Variants in DGKI observed in about 807,000 individuals in gnomAD.
DGKI encodes the protein diacylglycerol kinase iota.
Under a neutral mutation model 147.5 loss-of-function variants are expected in DGKI, and 55 were observed. The observed-to-expected ratio is 0.37, with a 90% CI of 0.30 to 0.47. The LOEUF (loss-of-function observed/expected upper bound fraction) is 0.47. Among genes scored for constraint, DGKI ranks in the 20% least tolerant of loss-of-function variants. The probability of loss-of-function intolerance (pLI) is 1.00; values close to 1 mark genes in which losing one functional copy is unlikely to be tolerated. For synonymous variants in DGKI, 469 were observed against 477.1 expected (o/e 0.98, Z 0.22); for missense variants, 1,007 against 1,323.8 (o/e 0.76, Z 3.71).
chr7:137,846,401 GT>G lies in DGKI; in HGVS notation c.401+60del, dbSNP rs71815938. ...ACTCCGCGGAAGCGCCCCTTGCTGG[GT>G]AGAAGAGTGGGTCTCCCGCCGCGGC... On this transcript the variant is annotated intron_variant, in intron 1 of 32. Coordinates refer to ENST00000614521, the MANE Select transcript of DGKI (RefSeq NM_001321708.2). The surrounding 1 kb of genome is among the most constrained non-coding windows in gnomAD (Gnocchi z 4.0). 1,332,614 of 1,332,676 alleles carry G rather than the reference GT, an allele frequency of 1. 666,277 individuals carry two copies. The highest frequency in any genetic ancestry group is 1 in the Middle Eastern group (5,188 of 5,188). 82.6% of individuals were successfully genotyped at this position (1,332,676 alleles called of 1,614,324 possible).
chr7:137,706,376 C>T (rs1280110955), intron 1 of DGKI, among the ~76,000 whole-genome samples: 1 of 151,502 alleles, frequency 6.6e-6, no homozygotes, highest in Non-Finnish European at 1.5e-5. Context: ...TGAAGTTTGG[C>T]CTTTAGTTCC....
At chr7:137,821,340 C>T (rs1214417233) in intron 1 of DGKI, among the ~76,000 whole-genome samples, 1 of 151,658 alleles carries the variant, frequency 6.6e-6, no homozygotes, top group Non-Finnish European at 1.5e-5. Context: ...GGGGGTGCCT[C>T]CTCTACTTGG....
intron 8 of DGKI, 89 bp from the exon 9 acceptor site, chr7:137,609,698 C>T: frequency 1.2e-6 from 1 of 863,406 alleles, no homozygotes; most frequent in East Asian, 2.5e-5. Flanking sequence ...GACGGCAGCG[C>T]ATGCTGTTCC....
chr7:137,634,594 T>C (rs998982037), intron 6 of DGKI, among the ~76,000 whole-genome samples: 1 of 152,168 alleles, frequency 6.6e-6, no homozygotes, highest in Admixed American at 6.6e-5. Context: ...AGTGGGACCA[T>C]CTGAGATCTG....
Position 137,582,018 on chromosome 7 carries a change from A to AG in DGKI, c.1564-91dup, listed in dbSNP as rs145461153. 2,662 of 992,216 alleles carry AG rather than the reference A, an allele frequency of 2.7e-3. 52 individuals carry two copies. The African/African-American group carries it at 0.038, about 14-fold the overall frequency. 61.5% of individuals were successfully genotyped at this position (992,216 alleles called of 1,614,324 possible). ...CCTAAAGCTGGACCCCTATCTCTGA[A>AG]GAAGTCCCTAGGAGACAGATCAGCC... On this transcript the variant is annotated intron_variant, in intron 14 of 32. Transcript: ENST00000614521.
At chr7:137,663,039 C>T (rs962524027) in intron 3 of DGKI, among the ~76,000 whole-genome samples, 5 of 152,210 alleles carry the variant, frequency 3.3e-5, no homozygotes, top group African/African-American at 1.2e-4. Flanking sequence ...TATCTGGAAT[C>T]ATGATGGTTT....
intron 5 of DGKI, among the ~76,000 whole-genome samples, chr7:137,650,533 G>A (rs6946901): frequency 0.11 from 16,008 of 152,138 alleles, 2,389 homozygotes; most frequent in African/African-American, 0.34. Context: ...GGTAATAGGA[G>A]GTAAGGTGTT....
At chr7:137,733,497 G>T (rs1174479683) in intron 1 of DGKI, among the ~76,000 whole-genome samples, 1 of 152,004 alleles carries the variant, frequency 6.6e-6, no homozygotes, top group Non-Finnish European at 1.5e-5. Context: ...ATCCATCAAT[G>T]AATACTTGGA....
At chr7:137,649,859 G>A (rs1261091174) in intron 5 of DGKI, among the ~76,000 whole-genome samples, 1 of 150,840 alleles carries the variant, frequency 6.6e-6, no homozygotes, top group Non-Finnish European at 1.5e-5. Flanking sequence ...CTAAGAAAAA[G>A]GAGATCCAGA....
rs139836334 is a variant in DGKI, at chr7:137,773,929, C to T, written c.401+72533G>A. 9.0e-3 allele frequency among the ~76,000 whole-genome samples: 1,372 copies of T among 152,266 alleles called. 9 individuals carry two copies. Among genetic ancestry groups the T allele is most frequent in the Middle Eastern group, 0.075 (22 of 294 alleles). ...ATCCAAGGCTGCCTGACTCTAAATC[C>T]ATGCTCCTTCTATCACAACAAGGTG... On this transcript the variant is annotated intron_variant, in intron 1 of 32. Coordinates refer to ENST00000614521, the MANE Select transcript of DGKI (RefSeq NM_001321708.2).
At chr7:137,450,547 T>C (rs535594719) in intron 27 of DGKI, among the ~76,000 whole-genome samples, 1 of 152,050 alleles carries the variant, frequency 6.6e-6, no homozygotes, top group Admixed American at 6.6e-5. Context: ...GGTGAAACCC[T>C]GTCTCTACTT....
chr7:137,445,826 T>C (rs977628466), intron 27 of DGKI, among the ~76,000 whole-genome samples: 1 of 152,082 alleles, frequency 6.6e-6, no homozygotes, highest in South Asian at 2.1e-4. Flanking sequence ...CCAAAGGACA[T>C]CAAAAGCACC....
intron 1 of DGKI, among the ~76,000 whole-genome samples, chr7:137,785,391 T>A (rs1005464303): frequency 6.6e-6 from 1 of 151,882 alleles, no homozygotes; most frequent in Non-Finnish European, 1.5e-5. Flanking sequence ...GATAAATTCC[T>A]GAAAATATAC....
At chr7:137,739,931 T>G (rs137907739) in intron 1 of DGKI, among the ~76,000 whole-genome samples, 1 of 152,306 alleles carries the variant, frequency 6.6e-6, no homozygotes, top group East Asian at 1.9e-4. Context: ...GTTGAACTAT[T>G]CCCACTGGTG....
rs1009202130 is a variant in DGKI at position 137,512,241 on chromosome 7, C to A, written c.2248+9625G>T. Among the ~76,000 whole-genome samples, 5 of 152,134 alleles carry A rather than the reference C, an allele frequency of 3.3e-5. No homozygotes were observed. The East Asian group carries it at 5.8e-4, about 18-fold the overall frequency. The stretch of plus-strand genomic sequence containing the variant: ...TTAAAATCCCACCACAGCAATGTAA[C>A]CCTGTGCAAGGCAATCTTAAGTGTC... On this transcript the variant is annotated intron_variant, in intron 21 of 32. Transcript: ENST00000614521.
At chr7:137,551,348 G>T (rs970006423) in intron 20 of DGKI, among the ~76,000 whole-genome samples, 3 of 152,090 alleles carry the variant, frequency 2.0e-5, no homozygotes, top group Admixed American at 6.5e-5. Context: ...GCTGGCTATT[G>T]TAAGGACTTC....
chr7:137,600,818 A>T (rs762248450), intron 10 of DGKI, among the ~76,000 whole-genome samples: 21 of 152,212 alleles, frequency 1.4e-4, no homozygotes, highest in Admixed American at 7.2e-4. Context: ...TGACATTTTC[A>T]ATCTCCATGC....
rs987213517 is a variant in DGKI at position 137,381,407 on chromosome 7, C to T, written c.*9813G>A. 14 of 150,048 alleles carry T rather than the reference C, an allele frequency of 9.3e-5. No individual in the cohort carries two copies. Among genetic ancestry groups the T allele is most frequent in the African/African-American group, 3.4e-4 (14 of 40,694 alleles). 9.3% of individuals were successfully genotyped at this position (150,048 alleles called of 1,614,324 possible). ...GCTACTTGTTTATGGATTCCACCTG[C>T]CAGCTGGCAGCTTTGCAAAAGCATG... On this transcript the variant is annotated 3_prime_UTR_variant, in exon 33 of 33. Coordinates refer to ENST00000614521, the MANE Select transcript of DGKI (RefSeq NM_001321708.2).
chr7:137,467,060 T>C lies in DGKI; in HGVS notation c.2444-118A>G, dbSNP rs565487511. 8 of 902,444 alleles carry C rather than the reference T, an allele frequency of 8.9e-6. No individual in the cohort carries two copies. The East Asian group carries it at 1.8e-4, about 21-fold the overall frequency. The allele number at this position is 902,444 out of a possible 1,614,324, so 55.9% of individuals were successfully genotyped here. ...CTACATGGCAGTCATGCTAGTCTCC[T>C]GGCCAGTCCCTAAATCTATTAAGAA... On this transcript the variant is annotated intron_variant, in intron 24 of 32. Transcript: ENST00000614521.
Sources: gnomAD v4.1 joint callset for allele counts (sites outside exome capture counted in the v4.1 genomes callset) on GRCh38, gnomAD v4.1.1 for gene constraint, Gnocchi (gnomAD v3.1) non-coding constraint, MANE v1.5 for transcripts, NCBI Gene and HGNC (gene_info 2026-07-23, HGNC 2026-07-21) for gene names.